Variants in XYLT1 observed in about 807,000 individuals in gnomAD.
The protein encoded by XYLT1 is beta-D-xylosyltransferase 1.
Under a neutral mutation model 91.3 loss-of-function variants are expected in XYLT1, and 36 were observed. The ratio of observed to expected loss-of-function variants is 0.39; its 90% CI spans 0.30 to 0.52. The LOEUF (loss-of-function observed/expected upper bound fraction) is 0.52. Ranked by LOEUF, XYLT1 falls within the 20% of genes least tolerant of loss-of-function variation. XYLT1 has a pLI of 0.68. For missense variants in XYLT1, 1,242 were observed against 1,284.5 expected (o/e 0.97, Z 0.51); for synonymous variants, 588 against 532.0 (o/e 1.11, Z -1.45).
At chr16:17,331,730 C>T (rs904924062) in intron 2 of XYLT1, among the ~76,000 whole-genome samples, 1 of 152,110 alleles carries the variant, frequency 6.6e-6, no homozygotes, top group Admixed American at 6.6e-5. Flanking sequence ...AGATTGAGTC[C>T]ACAGCCAGGA....
intron 3 of XYLT1, among the ~76,000 whole-genome samples, chr16:17,254,971 C>A (rs983222162): frequency 2.0e-5 from 3 of 148,378 alleles, no homozygotes; most frequent in Non-Finnish European, 4.5e-5. Context: ...ATGGCCTATT[C>A]TTTCTTTTTC....
chr16:17,180,220 C>T (rs1156459999), intron 5 of XYLT1, among the ~76,000 whole-genome samples: 1 of 152,224 alleles, frequency 6.6e-6, no homozygotes, highest in Non-Finnish European at 1.5e-5. Flanking sequence ...GTCATGAAGC[C>T]TGTCTGAGAC....
At chr16:17,406,037 T>G (rs1015868945) in intron 1 of XYLT1, among the ~76,000 whole-genome samples, 1 of 151,946 alleles carries the variant, frequency 6.6e-6, no homozygotes, top group Non-Finnish European at 1.5e-5. Flanking sequence ...ATACAAAAAT[T>G]AGCCAGGCGT....
At chr16:17,462,106 C>T (rs2036831227) in intron 1 of XYLT1, among the ~76,000 whole-genome samples, 1 of 152,146 alleles carries the variant, frequency 6.6e-6, no homozygotes, top group South Asian at 2.1e-4. Context: ...TATGGCAAAG[C>T]GTGCCCTGGG....
At chr16:17,152,820 T>C (rs1184159799) in intron 6 of XYLT1, among the ~76,000 whole-genome samples, 1 of 152,196 alleles carries the variant, frequency 6.6e-6, no homozygotes, top group Non-Finnish European at 1.5e-5. Flanking sequence ...CTGCCTGGCT[T>C]TCTTATATTT....
chr16:17,134,370 T>C (rs2030621654), intron 9 of XYLT1, 103 bp downstream of exon 9: 4 of 1,451,798 alleles, frequency 2.8e-6, no homozygotes, highest in African/African-American at 1.4e-5. Context: ...TAGGGTGGCA[T>C]TGCATTGCAG....
chr16:17,294,918 C>G (rs1282321984), intron 2 of XYLT1, among the ~76,000 whole-genome samples: 2 of 152,094 alleles, frequency 1.3e-5, no homozygotes, highest in Non-Finnish European at 1.5e-5. Context: ...GAGGCATCTA[C>G]GAAGAATGGC....
chr16:17,113,676 A>G (rs1319022376), intron 11 of XYLT1, among the ~76,000 whole-genome samples: 1 of 152,216 alleles, frequency 6.6e-6, no homozygotes, highest in African/African-American at 2.4e-5. Context: ...GAATTACTGC[A>G]CAGAGAGGCC....
intron 2 of XYLT1, among the ~76,000 whole-genome samples, chr16:17,333,261 C>A (rs1412221877): frequency 6.6e-6 from 1 of 152,082 alleles, no homozygotes; most frequent in Non-Finnish European, 1.5e-5. Context: ...TTGATTTAAC[C>A]AAATACATCC....
intron 9 of XYLT1, among the ~76,000 whole-genome samples, chr16:17,129,860 C>A (rs1368316980): frequency 6.6e-6 from 1 of 152,210 alleles, no homozygotes; most frequent in African/African-American, 2.4e-5. Flanking sequence ...TCTCCCATCT[C>A]CTTTATCTTA....
chr16:17,433,850 A>G (rs1471318470), intron 1 of XYLT1, among the ~76,000 whole-genome samples: 1 of 152,174 alleles, frequency 6.6e-6, no homozygotes, highest in African/African-American at 2.4e-5. Flanking sequence ...GATACTGGAG[A>G]ATACAGTAAA....
intron 1 of XYLT1, among the ~76,000 whole-genome samples, chr16:17,404,930 C>G (rs2036011737): frequency 6.6e-6 from 1 of 152,228 alleles, no homozygotes; most frequent in Admixed American, 6.5e-5. Flanking sequence ...CCTCTTTGCA[C>G]ACCTCTGAGA....
At chr16:17,317,091 G>A (rs1315266976) in intron 2 of XYLT1, among the ~76,000 whole-genome samples, 1 of 151,830 alleles carries the variant, frequency 6.6e-6, no homozygotes, top group Non-Finnish European at 1.5e-5. Flanking sequence ...CAAAGTGCTG[G>A]GATTACAGGC....
intron 3 of XYLT1, among the ~76,000 whole-genome samples, chr16:17,202,858 A>T (rs76717717): frequency 2.0e-5 from 3 of 150,724 alleles, no homozygotes; most frequent in Non-Finnish European, 4.4e-5. Flanking sequence ...TCTGACACAC[A>T]TCTGGTTCTC....
chr16:17,377,675 C>A (rs1270768738), intron 1 of XYLT1, among the ~76,000 whole-genome samples: 1 of 152,034 alleles, frequency 6.6e-6, no homozygotes. Context: ...CCAAACATAA[C>A]CAGAATAGTC....
At chr16:17,325,676 G>A (rs1326432127) in intron 2 of XYLT1, among the ~76,000 whole-genome samples, 6 of 152,102 alleles carry the variant, frequency 3.9e-5, no homozygotes, top group South Asian at 2.1e-4. Flanking sequence ...CCAACCGTGG[G>A]AATATATTGC....
intron 11 of XYLT1, among the ~76,000 whole-genome samples, chr16:17,117,235 C>T (rs1284885572): frequency 6.6e-6 from 1 of 152,180 alleles, no homozygotes; most frequent in Non-Finnish European, 1.5e-5. Context: ...CAAATATCTT[C>T]TACTATTATG....
intron 3 of XYLT1, among the ~76,000 whole-genome samples, chr16:17,224,375 C>G (rs1048365684): frequency 6.6e-6 from 1 of 152,208 alleles, no homozygotes; most frequent in African/African-American, 2.4e-5. Context: ...AGACCAGGCA[C>G]GTGCATGCCT....
intron 3 of XYLT1, among the ~76,000 whole-genome samples, chr16:17,236,490 G>A (rs1386405961): frequency 2.6e-5 from 4 of 152,086 alleles, no homozygotes; most frequent in Admixed American, 2.6e-4. Context: ...ACTGATGTGG[G>A]ACTGTGACCT....
Sources: gnomAD v4.1 joint callset for allele counts (sites outside exome capture counted in the v4.1 genomes callset) on GRCh38, gnomAD v4.1.1 for gene constraint, MANE v1.5 for transcripts, NCBI Gene and HGNC (gene_info 2026-07-23, HGNC 2026-07-21) for gene names.